FGD5: variants seen among roughly 807,000 people sequenced by gnomAD.
The protein encoded by FGD5 is FYVE, RhoGEF and PH domain-containing protein 5.
In FGD5, 28 loss-of-function variants were observed where a neutral mutation model predicts 133.4. That is an observed-to-expected ratio of 0.21 (90% confidence interval 0.16 to 0.29). The LOEUF (loss-of-function observed/expected upper bound fraction) is 0.29. FGD5 is among the 10% of genes least tolerant of loss of function. The probability of loss-of-function intolerance (pLI) is 1.00; values close to 1 mark genes in which losing one functional copy is unlikely to be tolerated. For missense variants in FGD5, 1,858 were observed against 1,895.2 expected, an observed-to-expected ratio of 0.98 and a Z score of 0.36; for synonymous variants, 810 against 776.5, an observed-to-expected ratio of 1.04 and a Z score of -0.72.
intron 9 of FGD5, among the ~76,000 whole-genome samples, chr3:14,905,520 A>G (rs1001275848): frequency 1.3e-5 from 2 of 152,172 alleles, no homozygotes; most frequent in Non-Finnish European, 2.9e-5. Flanking sequence ...TCTGTCTTCA[A>G]GCTCATGGAG....
rs376575642 is a variant in FGD5 at position 14,864,163 on chromosome 3, C to T, written c.2561C>T (p.Ser854Leu). The T allele has an allele frequency of 6.4e-5, 103 of 1,614,020 alleles. No homozygotes were observed. Among genetic ancestry groups the T allele is most frequent in the Admixed American group, 2.0e-4 (12 of 60,034 alleles). Residue 854 changes from serine to leucine, a missense_variant, in exon 2 of 20, where the codon TCG becomes TTG. By Grantham distance (145) the Ser-to-Leu change is moderately radical. This residue lies in a region of FGD5 where 1,824 missense variants were observed against 1,848.9 expected (regional missense o/e 0.99). Transcript: ENST00000285046. ...YTEPYKVCPI[S>L]SAAPKEDLTS... ...GAGCCCTACAAAGTCTGTCCCATCTCGTCGGCAGCCCCCAAAGAGGACCTT... is the reference window on the plus strand; with the variant it reads ...GAGCCCTACAAAGTCTGTCCCATCTTGTCGGCAGCCCCCAAAGAGGACCTT...
In FGD5 at chr3:14,922,998, C is replaced by A. The variant is rs1205608251; in HGVS notation, c.3808-48C>A. 1 of 1,612,796 alleles carries A rather than the reference C, an allele frequency of 6.2e-7. No homozygotes were observed. Among genetic ancestry groups the A allele is most frequent in the South Asian group, 1.1e-5 (1 of 91,018 alleles). On this transcript the variant is annotated intron_variant, in intron 15 of 19. Coordinates refer to ENST00000285046, the MANE Select transcript of FGD5 (RefSeq NM_152536.4). This position sits in a 1 kb window ranked among gnomAD's most constrained non-coding sequence, Gnocchi z 4.1. ...AGCGGAGGGGAGGGGTGCAGGTCTC[C>A]TTTGCATGCACTGAGAGGGGTGAGA... is the stretch of plus-strand genomic sequence containing the variant.
intron 9 of FGD5, among the ~76,000 whole-genome samples, chr3:14,902,607 C>G (rs915586608): frequency 6.6e-6 from 1 of 152,108 alleles, no homozygotes; most frequent in South Asian, 2.1e-4. Context: ...TCAGACATGC[C>G]CTTTTAATCT....
chr3:14,927,062 A>T lies in FGD5; in HGVS notation c.4197+864A>T, dbSNP rs189461902. On this transcript the variant is annotated intron_variant, in intron 18 of 19. Transcript: ENST00000285046. The stretch of plus-strand genomic sequence containing the variant: ...GGTTGCCGTGTGCCCATTCCCAGGG[A>T]TCACAGAGGATGGCTTTCTAGAAGA... 1.7e-4 allele frequency among the ~76,000 whole-genome samples: 26 copies of T among 152,330 alleles called. 1 individual carries two copies. In the East Asian group the frequency reaches 3.5e-3, roughly 20 times the overall value.
chr3:14,877,539 A>G (rs2037743207), intron 2 of FGD5, among the ~76,000 whole-genome samples: 1 of 152,222 alleles, frequency 6.6e-6, no homozygotes, highest in Non-Finnish European at 1.5e-5. Context: ...TGTTTGCCAG[A>G]TGAGGAAACA....
At chr3:14,843,329 G>T (rs910254840) in intron 1 of FGD5, among the ~76,000 whole-genome samples, 1 of 152,126 alleles carries the variant, frequency 6.6e-6, no homozygotes, top group Non-Finnish European at 1.5e-5. Flanking sequence ...TCTGCGTGTG[G>T]CAAGAGTGGG....
chr3:14,895,815 A>T (rs937115982), intron 4 of FGD5, among the ~76,000 whole-genome samples: 1 of 152,154 alleles, frequency 6.6e-6, no homozygotes, highest in Middle Eastern at 3.2e-3. Context: ...GTGATCCCTC[A>T]TCTTTGGCCC....
At position 14,932,620 on chromosome 3, in the gene FGD5, T is replaced by C; in HGVS notation, c.4241T>C (p.Ile1414Thr). Reference sequence around the variant, plus strand: ...AGTATGCCTCTGCTAGGCTTCACCATTGCTCCAGAAAAGGAAGAGGGCAGC... The same window carrying C: ...AGTATGCCTCTGCTAGGCTTCACCACTGCTCCAGAAAAGGAAGAGGGCAGC... ...LESMPLLGFT[I>T]APEKEEGSSE... The change falls in exon 19 of 20, where the codon ATT becomes ACT. Residue 1414 changes from isoleucine (I) to threonine (T), a missense_variant. Ile to Thr is a moderately conservative substitution (Grantham distance 89, BLOSUM62 -1). Coordinates refer to ENST00000285046, the MANE Select transcript of FGD5 (RefSeq NM_152536.4). The C allele has an allele frequency of 6.2e-7, 1 of 1,614,012 alleles. No individual in the cohort carries two copies. Among genetic ancestry groups the C allele is most frequent in the Non-Finnish European group, 8.5e-7 (1 of 1,179,856 alleles).
rs2038918432 is a variant in FGD5, at chr3:14,932,631, A to G, written c.4252A>G (p.Lys1418Glu). ...GCTAGGCTTCACCATTGCTCCAGAA[A>G]AGGAAGAGGGCAGCAGTGAAGTAGG... Reference protein sequence around the residue: ...PLLGFTIAPEKEEGSSEVGPI... With the variant: ...PLLGFTIAPEEEEGSSEVGPI... Residue 1418 changes from lysine to glutamate, a missense_variant, in exon 19 of 20, where the codon AAG becomes GAG. This residue lies in a region of FGD5 where 1,824 missense variants were observed against 1,848.9 expected (regional missense o/e 0.99). Transcript: ENST00000285046. The G allele has an allele frequency of 1.2e-6, 2 of 1,613,924 alleles. No homozygotes were observed. Among genetic ancestry groups the G allele is most frequent in the Admixed American group, 1.7e-5 (1 of 60,012 alleles).
intron 1 of FGD5, among the ~76,000 whole-genome samples, chr3:14,835,607 T>C (rs2036803249): frequency 1.3e-5 from 2 of 152,224 alleles, no homozygotes; most frequent in Admixed American, 6.5e-5. Flanking sequence ...CACTGCACTT[T>C]ACAGCTTACA....
Position 14,819,644 on chromosome 3 carries a change from G to A in FGD5, c.573G>A (p.Gln191=). ...SGPWAGEGVF[Q]SDLLLPHIHG... ...CTTGGGCTGGAGAGGGGGTCTTCCA[G>A]AGCGACCTCCTCCTGCCTCACATCC... The change falls in exon 1 of 20, where the codon CAG becomes CAA. Residue 191 remains glutamine (Q), a synonymous_variant. Coordinates refer to ENST00000285046, the MANE Select transcript of FGD5 (RefSeq NM_152536.4). The surrounding 1 kb of genome is among the most constrained non-coding windows in gnomAD (Gnocchi z 4.1). 1 of 1,550,270 alleles carries A rather than the reference G, an allele frequency of 6.5e-7. No individual in the cohort carries two copies. Among genetic ancestry groups the A allele is most frequent in the Non-Finnish European group, 8.7e-7 (1 of 1,146,392 alleles).
At chr3:14,810,864 A>C in exon 1 of FGD5, 1 of 984,880 alleles carries the variant, frequency 1.0e-6, no homozygotes, top group Non-Finnish European at 1.2e-6. Flanking sequence ...TGAACAGAGC[A>C]GGTAGGAGGC....
rs753421707 is a variant in FGD5 at position 14,907,653 on chromosome 3, A to C, written c.3278A>C (p.Lys1093Thr). Residue 1093 changes from lysine (K) to threonine (T), a missense_variant, in exon 10 of 20, where the codon AAG becomes ACG. By Grantham distance (78) the Lys-to-Thr change is moderately conservative. Around this residue, in one of 3 missense-constraint regions of FGD5, gnomAD observed 1,824 missense variants for 1,848.9 expected, o/e 0.99. Coordinates refer to ENST00000285046, the MANE Select transcript of FGD5 (RefSeq NM_152536.4). ...DSMEQGENLQ[K>T]LVHIEHSVRG... ...TCCCACCCACAGGAAAACCTGCAGA[A>C]GCTGGTCCACATTGAGCACAGCGTC... The C allele has an allele frequency of 6.2e-7, 1 of 1,613,564 alleles. No homozygotes were observed. The highest frequency in any genetic ancestry group is 1.1e-5 in the South Asian group (1 of 91,008).
At chr3:14,923,580 C>G (rs952048064) in intron 16 of FGD5, among the ~76,000 whole-genome samples, 1 of 152,186 alleles carries the variant, frequency 6.6e-6, no homozygotes, top group Admixed American at 6.5e-5. Flanking sequence ...CTGTTCCACA[C>G]AGGAGCCTTG....
At chr3:14,837,791 G>A (rs1027378370) in intron 1 of FGD5, among the ~76,000 whole-genome samples, 1 of 152,220 alleles carries the variant, frequency 6.6e-6, no homozygotes, top group African/African-American at 2.4e-5. Context: ...GCCTCTTGCT[G>A]TGTAGCCTTT....
chr3:14,826,249 C>T (rs898303228), intron 1 of FGD5, among the ~76,000 whole-genome samples: 9 of 152,150 alleles, frequency 5.9e-5, no homozygotes, highest in East Asian at 1.9e-4. Flanking sequence ...CTCTCTCACT[C>T]GCTCTCTCTT....
rs970852453 is a variant in FGD5, at chr3:14,928,373, AT to A, written c.4197+2182del. ...AGGTGTAAGCCACTGTGCCCAGCCT[AT>A]TTTTTTCAACATTTTATTCTTTATT... On this transcript the variant is annotated intron_variant, in intron 18 of 19. Transcript: ENST00000285046. 9.2e-5 allele frequency among the ~76,000 whole-genome samples: 14 copies of A among 152,130 alleles called. No homozygotes were observed. In the South Asian group the frequency reaches 1.7e-3, roughly 18 times the overall value.
intron 2 of FGD5, among the ~76,000 whole-genome samples, chr3:14,879,569 GCTCA>G (rs1237754394): frequency 6.6e-6 from 1 of 152,182 alleles, no homozygotes; most frequent in African/African-American, 2.4e-5. Flanking sequence ...ATGTGCGCTC[GCTCA>G]CTCACTCACT....
At chr3:14,910,452 G>T (rs999706210) in intron 10 of FGD5, among the ~76,000 whole-genome samples, 2 of 152,136 alleles carry the variant, frequency 1.3e-5, no homozygotes, top group Non-Finnish European at 2.9e-5. Flanking sequence ...TTAGTAAGTT[G>T]CCCAGGCTGG....
Sources: allele counts gnomAD v4.1 joint callset (sites outside exome capture counted in the v4.1 genomes callset), GRCh38; gene constraint gnomAD v4.1.1; regional missense constraint gnomAD v4.1.1; non-coding constraint Gnocchi (gnomAD v3.1); transcripts MANE v1.5; gene names NCBI Gene and HGNC (gene_info 2026-07-23, HGNC 2026-07-21).